Variants in CNOT1 observed in about 807,000 individuals in gnomAD.
CNOT1 encodes CCR4-NOT transcription complex subunit 1, also known as CCR4-associated factor 1.
Under a neutral mutation model 273.8 loss-of-function variants are expected in CNOT1, and 15 were observed. The ratio of observed to expected loss-of-function variants is 0.05; its 90% confidence interval spans 0.04 to 0.08. The LOEUF (loss-of-function observed/expected upper bound fraction) is 0.08. CNOT1 is among the 10% of genes least tolerant of loss of function. The probability of loss-of-function intolerance (pLI) is 1.00; values close to 1 mark genes in which losing one functional copy is unlikely to be tolerated. For synonymous variants in CNOT1, 1,022 were observed against 1,005.5 expected (o/e 1.02, Z -0.31); for missense variants, 1,644 against 2,912.2 (o/e 0.56, Z 10.02).
intron 20 of CNOT1, 52 bp from the exon 21 acceptor site, chr16:58,555,589 A>G: frequency 6.4e-7 from 1 of 1,573,622 alleles, no homozygotes; most frequent in Non-Finnish European, 8.6e-7. Context: ...AATTACTAAG[A>G]GCCTTTCTCA....
Position 58,617,376 on chromosome 16 carries a change from T to TA in CNOT1, c.-175+12351dup, listed in dbSNP as rs1011667888. 7.8e-3 allele frequency among the ~76,000 whole-genome samples: 1,148 copies of TA among 146,276 alleles called. 10 individuals are homozygous for TA. Among genetic ancestry groups the TA allele is most frequent in the African/African-American group, 0.027 (1,085 of 39,986 alleles). On this transcript the variant is annotated intron_variant, in intron 1 of 48. Transcript: ENST00000317147. ...AGTGTCTCAAAAAAATTTTTTTAAT[T>TA]AAAAAAAAAAATAACAAACCACATC...
intron 45 of CNOT1, 37 bp from the exon 46 acceptor site, chr16:58,525,396 C>A: frequency 1.3e-6 from 2 of 1,577,732 alleles, no homozygotes; most frequent in East Asian, 2.2e-5. Flanking sequence ...TATGCTTACT[C>A]CTGCAGAGGA....
chr16:58,596,404 G>T (rs150308254), intron 2 of CNOT1, among the ~76,000 whole-genome samples: 1 of 152,144 alleles, frequency 6.6e-6, no homozygotes, highest in South Asian at 2.1e-4. Flanking sequence ...CATGAGAAAT[G>T]TAAGTTTGAA....
chr16:58,528,951 AAAG>A (rs1431715936), intron 43 of CNOT1, among the ~76,000 whole-genome samples: 4 of 152,136 alleles, frequency 2.6e-5, no homozygotes, highest in South Asian at 2.1e-4. Context: ...TAAAAAAAAA[AAAG>A]AACTAATGAA....
intron 42 of CNOT1, among the ~76,000 whole-genome samples, chr16:58,531,045 TTC>T (rs1420707818): frequency 1.3e-5 from 2 of 152,216 alleles, no homozygotes; most frequent in Admixed American, 1.3e-4. Flanking sequence ...GCCATTTCCT[TTC>T]TCTCTTCCAG....
At chr16:58,529,163 A>G (rs1408762245) in intron 43 of CNOT1, among the ~76,000 whole-genome samples, 3 of 152,050 alleles carry the variant, frequency 2.0e-5, no homozygotes, top group Non-Finnish European at 4.4e-5. Context: ...CAGAACATTA[A>G]ACGACTTTAT....
intron 1 of CNOT1, among the ~76,000 whole-genome samples, chr16:58,621,658 C>G (rs192703298): frequency 6.6e-6 from 1 of 151,076 alleles, no homozygotes; most frequent in Non-Finnish European, 1.5e-5. Flanking sequence ...GTGGCTCACA[C>G]CTGTAATCCC....
chr16:58,626,795 T>A (rs140168908), intron 1 of CNOT1, among the ~76,000 whole-genome samples: 7 of 152,018 alleles, frequency 4.6e-5, no homozygotes, highest in Non-Finnish European at 7.4e-5. Flanking sequence ...TTTGTTAATG[T>A]GGGACAAAAT....
chr16:58,537,452 T>C (rs1869781981), intron 38 of CNOT1, among the ~76,000 whole-genome samples: 1 of 152,218 alleles, frequency 6.6e-6, no homozygotes, highest in South Asian at 2.1e-4. Flanking sequence ...AAAAACGTGT[T>C]CATTTAAATG....
At chr16:58,543,084 C>A in intron 31 of CNOT1, 6 of 1,231,374 alleles carry the variant, frequency 4.9e-6, no homozygotes, top group South Asian at 1.6e-5. Context: ...CAGAGTGAGA[C>A]CCTGTCTCAT....
At chr16:58,566,186 G>T (rs916693065) in intron 16 of CNOT1, among the ~76,000 whole-genome samples, 10 of 152,130 alleles carry the variant, frequency 6.6e-5, no homozygotes, top group Non-Finnish European at 1.5e-4. Flanking sequence ...AATGTAATTT[G>T]TGGAGAGATA....
At position 58,523,487 on chromosome 16, in the gene CNOT1, A is replaced by C; in HGVS notation, c.6800T>G (p.Leu2267Trp). The change falls in exon 47 of 49, where the codon TTG becomes TGG. Residue 2267 changes from leucine to tryptophan, a missense_variant. Leu to Trp is a moderately conservative substitution (Grantham distance 61). Transcript: ENST00000317147. ...CCGGAGCTGATTTGCAATTGCATTC[A>C]AAAAGAGATAGCGACCTAGAAATTA... Reference protein sequence around the residue: ...DLDTEGRYLFLNAIANQLRYP... With the variant: ...DLDTEGRYLFWNAIANQLRYP... 1 of 1,613,980 alleles carries C rather than the reference A, an allele frequency of 6.2e-7. No individual in the cohort carries two copies. Among genetic ancestry groups the C allele is most frequent in the Non-Finnish European group, 8.5e-7 (1 of 1,179,922 alleles).
At position 58,586,624 on chromosome 16, in the gene CNOT1, G is replaced by A; in HGVS notation, c.558C>T (p.Ser186=). The change falls in exon 7 of 49, where the codon TCC becomes TCT. Residue 186 remains serine, a synonymous_variant. Transcript: ENST00000317147. The part of the protein sequence containing the change: ...IAIEVLHLLL[S]HLLFGQKGAF... ...CTCCCTTCTGCCCAAAGAGGAGATG[G>A]GAGAGGAGGAGGTGTAGGACCTCTA... 1.2e-6 allele frequency: 2 copies of A among 1,613,024 alleles called. No homozygotes were observed. Among genetic ancestry groups the A allele is most frequent in the African/African-American group, 1.3e-5 (1 of 74,854 alleles).
intron 2 of CNOT1, among the ~76,000 whole-genome samples, chr16:58,594,958 C>CA (rs1231567512): frequency 6.6e-6 from 1 of 151,320 alleles, no homozygotes. Context: ...ACTAAAAATA[C>CA]AAAAAAATTA....
Position 58,556,872 on chromosome 16 carries a change from T to A in CNOT1, c.2454A>T (p.Thr818=). 1 of 1,614,024 alleles carries A rather than the reference T, an allele frequency of 6.2e-7. No homozygotes were observed. The highest frequency in any genetic ancestry group is 8.5e-7 in the Non-Finnish European group (1 of 1,179,970). The stretch of plus-strand genomic sequence containing the variant: ...AAGGTTTCATCTTACTCTGCTGGAA[T>A]GTAGGCTGATTCAGTCCAGAGGTGC... ...KLGTSGLNQP[T]FQQSKMKPSD... The change falls in exon 19 of 49, where the codon ACA becomes ACT. Residue 818 remains threonine (T), a synonymous_variant. Transcript: ENST00000317147.
At position 58,532,286 on chromosome 16, in the gene CNOT1, T is replaced by C. The variant is rs779992769; in HGVS notation, c.6005A>G (p.Asn2002Ser). Residue 2002 changes from asparagine (N) to serine (S), a missense_variant, in exon 41 of 49, where the codon AAT becomes AGT. Asn to Ser is a conservative substitution (Grantham distance 46). Coordinates refer to ENST00000317147, the MANE Select transcript of CNOT1 (RefSeq NM_016284.5). ...RIFIMLLLEL[N>S]APEHVLETIN... is the part of the protein sequence containing the mutation. ...GGTTTCCAACACATGCTCAGGTGCA[T>C]TGAGTTCCAAGAGAAGCATGATAAA... The C allele has an allele frequency of 7.4e-6, 12 of 1,614,154 alleles. No individual in the cohort carries two copies. Among genetic ancestry groups the C allele is most frequent in the East Asian group, 2.2e-5 (1 of 44,876 alleles).
intron 1 of CNOT1, among the ~76,000 whole-genome samples, chr16:58,607,942 C>T (rs1184919959): frequency 1.3e-5 from 2 of 151,630 alleles, no homozygotes; most frequent in African/African-American, 2.4e-5. Context: ...GAGGGTGAGG[C>T]GGGCAGATCA....
chr16:58,586,433 GGGAGGGCA>G lies in CNOT1; in HGVS notation c.637+104_637+111del. The stretch of plus-strand genomic sequence containing the variant: ...GAGGGGAGGGCAGGGAGGAGGGGAG[GGGAGGGCA>G]GGGAGGAGGGGAGGGTGAGGGGAGG... On this transcript the variant is annotated intron_variant, in intron 7 of 48. Coordinates refer to ENST00000317147, the MANE Select transcript of CNOT1 (RefSeq NM_016284.5). The G allele has an allele frequency of 9.4e-6, 2 of 212,282 alleles. 1 individual carries two copies. 13.1% of individuals were successfully genotyped at this position (212,282 alleles called of 1,614,324 possible).
At chr16:58,621,910 C>CAAAA (rs58087048) in intron 1 of CNOT1, among the ~76,000 whole-genome samples, 9 of 85,338 alleles carry the variant, frequency 1.1e-4, no homozygotes, top group East Asian at 7.3e-4. Flanking sequence ...GACTCCGTCT[C>CAAAA]AAAAAAAAAA....
Sources: gnomAD v4.1 joint callset for allele counts (sites outside exome capture counted in the v4.1 genomes callset) on GRCh38, gnomAD v4.1.1 for gene constraint, MANE v1.5 for transcripts, NCBI Gene and HGNC (gene_info 2026-07-23, HGNC 2026-07-21) for gene names.